Variants in ELL2 observed in about 807,000 individuals in gnomAD.
ELL2 encodes RNA polymerase II elongation factor ELL2.
Under a neutral mutation model 72.8 loss-of-function variants are expected in ELL2, and 21 were observed. The observed-to-expected ratio is 0.29, with a 90% CI of 0.20 to 0.42. ELL2 has a LOEUF of 0.42. Ranked by LOEUF, ELL2 falls within the 10% of genes least tolerant of loss-of-function variation. The pLI, the probability that ELL2 is intolerant of heterozygous loss-of-function variation, is 1.00. For missense variants in ELL2, 568 were observed against 772.8 expected (o/e 0.73, Z 3.14); for synonymous variants, 266 against 283.2 (o/e 0.94, Z 0.61).
chr5:95,919,674 C>T (rs1181013481), intron 2 of ELL2, 129 bp from the exon 3 acceptor site: 11 of 1,095,792 alleles, frequency 1.0e-5, no homozygotes, highest in East Asian at 5.9e-5. Context: ...TATACATCCT[C>T]GCAGCATTTA....
At chr5:95,920,824 A>G (rs922323954) in intron 2 of ELL2, among the ~76,000 whole-genome samples, 6 of 152,346 alleles carry the variant, frequency 3.9e-5, no homozygotes, top group African/African-American at 1.4e-4. Context: ...CCAAACATAC[A>G]GTCTTAGTAA....
rs1338202982 is a variant in ELL2, at chr5:95,905,917, C to CT, written c.741+605dup. ...AAAAAAATATGTAGGAGGTTATAGT[C>CT]TAACAAACCACTGACTTTAAAAAAC... On this transcript the variant is annotated intron_variant, in intron 5 of 11. Coordinates refer to ENST00000237853, the MANE Select transcript of ELL2 (RefSeq NM_012081.6). Among the ~76,000 whole-genome samples the CT allele has an allele frequency of 2.6e-5, 4 of 152,064 alleles. No homozygotes were observed. The East Asian group carries it at 7.7e-4, about 29-fold the overall frequency.
Position 95,887,212 on chromosome 5 carries a change from G to A in ELL2, c.*1659C>T, listed in dbSNP as rs546013094. On this transcript the variant is annotated 3_prime_UTR_variant, in exon 12 of 12. Coordinates refer to ENST00000237853, the MANE Select transcript of ELL2 (RefSeq NM_012081.6). ...TGTTATAGAGTTGTAGTGCAAAAGG[G>A]ACTTGTTTCAGTCTTTGTATAGTCT... The A allele has an allele frequency of 2.6e-4, 39 of 152,176 alleles. No individual in the cohort carries two copies. The highest frequency in any genetic ancestry group is 8.9e-4 in the African/African-American group (37 of 41,510). 9.4% of individuals were successfully genotyped at this position (152,176 alleles called of 1,614,324 possible).
intron 3 of ELL2, among the ~76,000 whole-genome samples, chr5:95,914,403 C>T (rs1749709918): frequency 6.6e-6 from 1 of 152,098 alleles, no homozygotes; most frequent in African/African-American, 2.4e-5. Flanking sequence ...TTAAGGCTAA[C>T]ATACTGACAA....
intron 1 of ELL2, among the ~76,000 whole-genome samples, chr5:95,951,952 A>T (rs1343678556): frequency 6.6e-6 from 1 of 152,216 alleles, no homozygotes; most frequent in African/African-American, 2.4e-5. Context: ...TTTGATAGAG[A>T]GTTCTGCCAC....
chr5:95,903,207 C>A (rs1464858823), intron 5 of ELL2, among the ~76,000 whole-genome samples: 5 of 115,794 alleles, frequency 4.3e-5, no homozygotes, highest in Non-Finnish European at 8.7e-5. Context: ...TCTCTTAGGA[C>A]CTTTTTTTTT....
At chr5:95,927,307 C>T (rs1272920558) in intron 2 of ELL2, among the ~76,000 whole-genome samples, 1 of 148,944 alleles carries the variant, frequency 6.7e-6, no homozygotes, top group Non-Finnish European at 1.5e-5. Flanking sequence ...TCAAGGATGA[C>T]TCCAGGGTAT....
intron 5 of ELL2, among the ~76,000 whole-genome samples, chr5:95,904,497 T>G (rs1490701201): frequency 1.3e-5 from 2 of 152,260 alleles, no homozygotes; most frequent in East Asian, 3.8e-4. Context: ...CTTTTAAATT[T>G]AGGTACAAAT....
intron 2 of ELL2, among the ~76,000 whole-genome samples, chr5:95,926,213 C>CA (rs1750276164): frequency 6.7e-6 from 1 of 149,446 alleles, no homozygotes; most frequent in South Asian, 2.1e-4. Context: ...CCCAGATGTG[C>CA]AAACCAATGC....
Position 95,901,001 on chromosome 5 carries a change from C to T in ELL2, c.821G>A (p.Gly274Glu), listed in dbSNP as rs953034557. 1 of 1,613,766 alleles carries T rather than the reference C, an allele frequency of 6.2e-7. No individual in the cohort carries two copies. The highest frequency in any genetic ancestry group is 8.5e-7 in the Non-Finnish European group (1 of 1,179,942). Residue 274 changes from glycine to glutamate, a missense_variant, in exon 6 of 12, where the codon GGA (glycine) becomes GAA (glutamate). Transcript: ENST00000237853. ...TGACCGTCTGTCTATTTCACTGTAT[C>T]CAGGCCAGTCTCTTTGAAGCTCTTT... ...VFKELQRDWP[G>E]YSEIDRRSLE...
chr5:95,932,477 C>T (rs924000387), intron 2 of ELL2, among the ~76,000 whole-genome samples: 1 of 152,174 alleles, frequency 6.6e-6, no homozygotes, highest in African/African-American at 2.4e-5. Flanking sequence ...AAGGTAATTA[C>T]TATATTTGAA....
intron 4 of ELL2, among the ~76,000 whole-genome samples, chr5:95,911,636 G>A (rs919713672): frequency 9.2e-5 from 14 of 152,192 alleles, no homozygotes; most frequent in African/African-American, 3.4e-4. Context: ...GTGAGCCATC[G>A]CACCCGGCCT....
chr5:95,905,368 A>G (rs1206757104), intron 5 of ELL2, among the ~76,000 whole-genome samples: 4 of 152,148 alleles, frequency 2.6e-5, no homozygotes, highest in African/African-American at 7.2e-5. Flanking sequence ...TGCCTTCTCC[A>G]TTATCAAACT....
intron 9 of ELL2, among the ~76,000 whole-genome samples, chr5:95,894,796 T>C (rs1378164360): frequency 6.6e-6 from 1 of 152,226 alleles, no homozygotes; most frequent in Non-Finnish European, 1.5e-5. Context: ...TGAAAAGGGC[T>C]AAACAGCATA....
At chr5:95,938,373 G>A (rs1456955784) in intron 2 of ELL2, among the ~76,000 whole-genome samples, 1 of 152,110 alleles carries the variant, frequency 6.6e-6, no homozygotes, top group Non-Finnish European at 1.5e-5. Flanking sequence ...ATACTGCATG[G>A]TACTTATAGA....
At chr5:95,929,297 C>T (rs955908817) in intron 2 of ELL2, among the ~76,000 whole-genome samples, 29 of 149,098 alleles carry the variant, frequency 1.9e-4, no homozygotes, top group South Asian at 1.3e-3. Context: ...CTCGCTCTGT[C>T]GCCCAGGCTG....
intron 2 of ELL2, among the ~76,000 whole-genome samples, chr5:95,927,476 T>TGC (rs1750370486): frequency 5.3e-5 from 1 of 18,926 alleles, no homozygotes; most frequent in African/African-American, 5.5e-4. Flanking sequence ...TATATAGACA[T>TGC]ACACACACGT....
intron 2 of ELL2, among the ~76,000 whole-genome samples, chr5:95,930,687 G>A (rs1750564539): frequency 6.6e-6 from 1 of 152,210 alleles, no homozygotes; most frequent in Non-Finnish European, 1.5e-5. Flanking sequence ...AAATGCTCTA[G>A]TTAAGGAAGG....
chr5:95,887,997 A>G lies in ELL2; in HGVS notation c.*874T>C, dbSNP rs1226505491. ...TAGAAGAAAAAAAACAAAAAAACAA[A>G]AAAACACCCTACAGTAACACTCGTC... On this transcript the variant is annotated 3_prime_UTR_variant, in exon 12 of 12. Transcript: ENST00000237853. 6.6e-6 allele frequency: 1 copy of G among 152,568 alleles called. No individual in the cohort carries two copies. Among genetic ancestry groups the G allele is most frequent in the African/African-American group, 2.4e-5 (1 of 41,446 alleles). The allele number at this position is 152,568 out of a possible 1,614,324, so 9.5% of individuals were successfully genotyped here.
Sources: gnomAD v4.1 joint callset for allele counts (sites outside exome capture counted in the v4.1 genomes callset) on GRCh38, gnomAD v4.1.1 for gene constraint, MANE v1.5 for transcripts, NCBI Gene and HGNC (gene_info 2026-07-23, HGNC 2026-07-21) for gene names.